KPNA3: variants seen among roughly 807,000 people sequenced by gnomAD.
The protein encoded by KPNA3 is karyopherin subunit alpha 3, also known as importin subunit alpha-4.
A neutral mutation model predicts 73.8 loss-of-function variants in KPNA3; 13 were observed. The ratio of observed to expected loss-of-function variants is 0.18; its 90% CI spans 0.11 to 0.28. The LOEUF (loss-of-function observed/expected upper bound fraction) is 0.28, where lower values mean the gene tolerates loss of function less well. Ranked by LOEUF, KPNA3 falls within the 10% of genes least tolerant of loss-of-function variation. The probability of loss-of-function intolerance (pLI) is 1.00; values close to 1 mark genes in which losing one functional copy is unlikely to be tolerated. For synonymous variants in KPNA3, 186 were observed against 206.9 expected, an observed-to-expected ratio of 0.90 and a Z score of 0.87; for missense variants, 360 against 618.1, an observed-to-expected ratio of 0.58 and a Z score of 4.43.
intron 6 of KPNA3, among the ~76,000 whole-genome samples, chr13:49,731,561 A>G (rs75048669): frequency 0.028 from 4,312 of 152,288 alleles, 211 homozygotes; most frequent in African/African-American, 0.098. Flanking sequence ...AAAAACCCTT[A>G]GTGGCAACAT....
At chr13:49,747,562 G>A (rs1954629334) in intron 1 of KPNA3, among the ~76,000 whole-genome samples, 1 of 152,136 alleles carries the variant, frequency 6.6e-6, no homozygotes, top group South Asian at 2.1e-4. Flanking sequence ...GCACGCCCCT[G>A]TACTCCCAGC....
chr13:49,721,218 A>G (rs1435068974), intron 9 of KPNA3, among the ~76,000 whole-genome samples: 5 of 151,664 alleles, frequency 3.3e-5, no homozygotes, highest in African/African-American at 1.2e-4. Context: ...GACTGTCTCA[A>G]AAGAAGAAGA....
At chr13:49,711,097 T>G (rs184943842) in intron 10 of KPNA3, 75 bp from the exon 11 acceptor site, 1 of 1,389,382 alleles carries the variant, frequency 7.2e-7, no homozygotes, top group Non-Finnish European at 9.6e-7. Flanking sequence ...ACCTCAGGAG[T>G]AGTGACAGAA....
At chr13:49,743,795 C>A (rs1338634815) in intron 2 of KPNA3, among the ~76,000 whole-genome samples, 1 of 151,976 alleles carries the variant, frequency 6.6e-6, no homozygotes, top group African/African-American at 2.4e-5. Flanking sequence ...GGCTTCTGAA[C>A]TAATACAAAA....
chr13:49,743,571 T>C (rs1954591921), intron 2 of KPNA3, among the ~76,000 whole-genome samples: 1 of 148,216 alleles, frequency 6.7e-6, no homozygotes, highest in African/African-American at 2.5e-5. Flanking sequence ...AAGGAAATAA[T>C]GTTAGCCAAA....
intron 2 of KPNA3, 72 bp downstream of exon 2, chr13:49,746,877 T>A: frequency 8.9e-7 from 1 of 1,126,260 alleles, no homozygotes; most frequent in South Asian, 1.3e-5. Context: ...AGTATTTTCA[T>A]TATTCAAGAT....
chr13:49,766,182 T>C (rs1954806435), intron 1 of KPNA3, among the ~76,000 whole-genome samples: 1 of 152,246 alleles, frequency 6.6e-6, no homozygotes, highest in African/African-American at 2.4e-5. Flanking sequence ...CAATGTTTGT[T>C]TCCCTTTTCT....
At chr13:49,738,167 G>A (rs1954541753) in intron 2 of KPNA3, among the ~76,000 whole-genome samples, 1 of 152,164 alleles carries the variant, frequency 6.6e-6, no homozygotes, top group South Asian at 2.1e-4. Context: ...AAAATCAGCT[G>A]GAGGTATTTG....
chr13:49,710,977 C>G lies in KPNA3; in HGVS notation c.817G>C (p.Gly273Arg). The G allele has an allele frequency of 6.2e-7, 1 of 1,613,446 alleles. No individual in the cohort carries two copies. The highest frequency in any genetic ancestry group is 8.5e-7 in the Non-Finnish European group (1 of 1,179,542). Residue 273 changes from glycine to arginine, a missense_variant, in exon 11 of 17, where the codon GGT becomes CGT. By Grantham distance (125) the Gly-to-Arg change is moderately radical (BLOSUM62 -2). Transcript: ENST00000261667. ...VWALSYLTDG[G>R]NEQIQMVIDS... ...ATAACCATCTGTATCTGTTCATTAC[C>G]TCCATCTGTCAAGTATGACAGAGCC...
intron 1 of KPNA3, among the ~76,000 whole-genome samples, chr13:49,752,618 A>C (rs1954672829): frequency 6.6e-6 from 1 of 152,192 alleles, no homozygotes; most frequent in Non-Finnish European, 1.5e-5. Context: ...TAAAGCAAAA[A>C]ATTATTTCAG....
At chr13:49,731,570 A>G (rs901124852) in intron 6 of KPNA3, among the ~76,000 whole-genome samples, 6 of 152,208 alleles carry the variant, frequency 3.9e-5, no homozygotes, top group African/African-American at 1.4e-4. Flanking sequence ...TAGTGGCAAC[A>G]TTTATATACC....
intron 1 of KPNA3, among the ~76,000 whole-genome samples, chr13:49,751,464 C>A (rs1268780830): frequency 5.3e-5 from 8 of 152,160 alleles, no homozygotes; most frequent in Non-Finnish European, 1.2e-4. Context: ...CAATTTTCCA[C>A]AATGCAGCCG....
intron 6 of KPNA3, among the ~76,000 whole-genome samples, chr13:49,731,680 G>C (rs940800091): frequency 6.6e-5 from 10 of 152,018 alleles, no homozygotes; most frequent in Admixed American, 2.6e-4. Context: ...AAAAGCATTT[G>C]TTTTAATATG....
At chr13:49,769,442 T>A (rs1483530694) in intron 1 of KPNA3, among the ~76,000 whole-genome samples, 1 of 152,188 alleles carries the variant, frequency 6.6e-6, no homozygotes, top group African/African-American at 2.4e-5. Context: ...TTGTTCCCCA[T>A]GCTCCTTCCC....
chr13:49,714,843 AC>A (rs1954291133), intron 10 of KPNA3, among the ~76,000 whole-genome samples: 1 of 152,058 alleles, frequency 6.6e-6, no homozygotes, highest in Admixed American at 6.6e-5. Context: ...CAAAAGCTAA[AC>A]TGCAAACCAA....
chr13:49,762,642 T>C (rs1954776849), intron 1 of KPNA3, among the ~76,000 whole-genome samples: 1 of 152,062 alleles, frequency 6.6e-6, no homozygotes, highest in Non-Finnish European at 1.5e-5. Context: ...AAGATGTGCT[T>C]TGTTAAACAG....
chr13:49,789,275 A>G (rs941103019), intron 1 of KPNA3, among the ~76,000 whole-genome samples: 1 of 152,086 alleles, frequency 6.6e-6, no homozygotes, highest in African/African-American at 2.4e-5. Context: ...TTTTACCTGG[A>G]TATTTATTCA....
intron 9 of KPNA3, among the ~76,000 whole-genome samples, chr13:49,720,683 G>C (rs954529502): frequency 5.1e-5 from 7 of 138,000 alleles, no homozygotes; most frequent in Middle Eastern, 4.4e-3. Flanking sequence ...AGTGGGCAAA[G>C]ATTGTGCCAC....
At chr13:49,766,077 A>G (rs781340525) in intron 1 of KPNA3, among the ~76,000 whole-genome samples, 2 of 152,190 alleles carry the variant, frequency 1.3e-5, no homozygotes, top group Non-Finnish European at 2.9e-5. Context: ...GCACTCTCTA[A>G]AAGTGGGATA....
Sources: gnomAD v4.1 joint callset for allele counts (sites outside exome capture counted in the v4.1 genomes callset) on GRCh38, gnomAD v4.1.1 for gene constraint, MANE v1.5 for transcripts, NCBI Gene and HGNC (gene_info 2026-07-23, HGNC 2026-07-21) for gene names.